PLXNC1: variants seen among roughly 807,000 people sequenced by gnomAD.
PLXNC1 encodes plexin-C1.
A neutral mutation model predicts 178.2 loss-of-function variants in PLXNC1; 75 were observed. The ratio of observed to expected loss-of-function variants is 0.42; its 90% CI spans 0.35 to 0.51. PLXNC1 has a LOEUF of 0.51. PLXNC1 is among the 20% of genes least tolerant of loss of function. The pLI is 0.02. For missense variants in PLXNC1, 1,503 were observed against 1,984.4 expected (o/e 0.76, Z 4.61); for synonymous variants, 790 against 779.9 (o/e 1.01, Z -0.22).
At chr12:94,255,020 C>T in intron 16 of PLXNC1, 132 bp downstream of exon 16, 1 of 911,092 alleles carries the variant, frequency 1.1e-6, no homozygotes, top group Middle Eastern at 3.2e-4. Flanking sequence ...AGGGCAGGGC[C>T]TGGGCCTGGC....
chr12:94,185,870 G>T (rs1962490126), intron 3 of PLXNC1: 2 of 157,244 alleles, frequency 1.3e-5, no homozygotes, highest in African/African-American at 4.8e-5. Flanking sequence ...TGAAAACCAG[G>T]CAACCTGATT....
At chr12:94,226,793 G>A in intron 8 of PLXNC1, 86 bp downstream of exon 8, 1 of 956,458 alleles carries the variant, frequency 1.0e-6, no homozygotes, top group Non-Finnish European at 1.7e-6. Flanking sequence ...GGAGGTCGAG[G>A]CGGGTGGATC....
intron 22 of PLXNC1, 66 bp downstream of exon 22, chr12:94,279,715 T>G (rs954597580): frequency 1.5e-6 from 2 of 1,361,676 alleles, no homozygotes; most frequent in African/African-American, 3.3e-5. Flanking sequence ...CTGCCCTCCC[T>G]CCCTGTCCCC....
At chr12:94,287,900 C>T (rs1966875066) in intron 23 of PLXNC1, among the ~76,000 whole-genome samples, 1 of 152,224 alleles carries the variant, frequency 6.6e-6, no homozygotes. Flanking sequence ...GTCTTCTTTA[C>T]CGCTCCATGA....
In PLXNC1 at chr12:94,149,879, T is replaced by C. The variant is rs1442700009; in HGVS notation, c.908T>C (p.Leu303Pro). ...CTCTCCTCCAGCCTAGTGGAGGCCCTGGACGTCTGGGCGGGAGTGTTCAGC... is the reference window on the plus strand; with the variant it reads ...CTCTCCTCCAGCCTAGTGGAGGCCCCGGACGTCTGGGCGGGAGTGTTCAGC... The part of the protein sequence containing the change: ...LLLSSSLVEA[L>P]DVWAGVFSAA... The change falls in exon 1 of 31, where the codon CTG becomes CCG. Residue 303 changes from leucine (L) to proline (P), a missense_variant. Leu to Pro is a moderately conservative substitution (Grantham distance 98). Around this residue, in one of 4 missense-constraint regions of PLXNC1, gnomAD observed 615 missense variants for 698.6 expected, o/e 0.88. Transcript: ENST00000258526. 1 of 1,587,640 alleles carries C rather than the reference T, an allele frequency of 6.3e-7. No individual in the cohort carries two copies. The highest frequency in any genetic ancestry group is 1.8e-5 in the Admixed American group (1 of 56,444).
At chr12:94,289,168 T>C (rs879525872) in intron 23 of PLXNC1, among the ~76,000 whole-genome samples, 79 of 152,206 alleles carry the variant, frequency 5.2e-4, no homozygotes, top group Non-Finnish European at 6.9e-4. Context: ...AATCTTACCT[T>C]CACTTGCAAG....
At chr12:94,231,051 T>C (rs1443088887) in intron 9 of PLXNC1, among the ~76,000 whole-genome samples, 1 of 152,166 alleles carries the variant, frequency 6.6e-6, no homozygotes, top group Admixed American at 6.5e-5. Flanking sequence ...AAAATATTAA[T>C]ATGAAGGTAC....
chr12:94,251,755 C>A (rs1964696007), intron 15 of PLXNC1, among the ~76,000 whole-genome samples: 1 of 152,234 alleles, frequency 6.6e-6, no homozygotes, highest in African/African-American at 2.4e-5. Context: ...CTTTGGGACA[C>A]TGAGGCGGGC....
chr12:94,193,344 G>A lies in PLXNC1; in HGVS notation c.1439+6871G>A, dbSNP rs552555578. On this transcript the variant is annotated intron_variant, in intron 4 of 30. Coordinates refer to ENST00000258526, the MANE Select transcript of PLXNC1 (RefSeq NM_005761.3). The stretch of plus-strand genomic sequence containing the variant: ...TGGCTGTAAACCAGTAAGAGACCAG[G>A]GACTGAATTAGAATGATAGTAGTGG... Among the ~76,000 whole-genome samples the A allele has an allele frequency of 4.3e-4, 66 of 152,220 alleles. No individual in the cohort carries two copies. In the South Asian group the frequency reaches 4.8e-3, roughly 11 times the overall value.
intron 4 of PLXNC1, among the ~76,000 whole-genome samples, chr12:94,192,991 C>T (rs1962780541): frequency 6.6e-6 from 1 of 152,050 alleles, no homozygotes; most frequent in Non-Finnish European, 1.5e-5. Context: ...TTATCTAACC[C>T]AAACTTAACA....
At chr12:94,250,301 G>A (rs74776710) in intron 14 of PLXNC1, among the ~76,000 whole-genome samples, 1 of 152,128 alleles carries the variant, frequency 6.6e-6, no homozygotes, top group Non-Finnish European at 1.5e-5. Context: ...TGAGGAGGGC[G>A]CCATGAGCTG....
chr12:94,270,441 T>C (rs1324507633), intron 21 of PLXNC1, among the ~76,000 whole-genome samples: 1 of 152,198 alleles, frequency 6.6e-6, no homozygotes, highest in Non-Finnish European at 1.5e-5. Context: ...CTTGACATAG[T>C]AGAGAATAGG....
chr12:94,226,150 C>T (rs554781366), intron 7 of PLXNC1, among the ~76,000 whole-genome samples: 7 of 152,340 alleles, frequency 4.6e-5, no homozygotes, highest in South Asian at 2.1e-4. Context: ...ACAGGCACCT[C>T]GTTGCCTCTG....
At chr12:94,234,062 T>C (rs1216126054) in intron 9 of PLXNC1, among the ~76,000 whole-genome samples, 1 of 152,186 alleles carries the variant, frequency 6.6e-6, no homozygotes, top group East Asian at 1.9e-4. Context: ...TGAACTAATT[T>C]CATGAGTGAA....
At chr12:94,183,928 A>C (rs1477748196) in intron 3 of PLXNC1, among the ~76,000 whole-genome samples, 2 of 152,226 alleles carry the variant, frequency 1.3e-5, no homozygotes, top group Non-Finnish European at 2.9e-5. Flanking sequence ...AAAGAGACAA[A>C]GTCCAAGGAA....
intron 9 of PLXNC1, among the ~76,000 whole-genome samples, chr12:94,235,576 A>G (rs977104645): frequency 1.3e-5 from 2 of 152,208 alleles, no homozygotes; most frequent in Non-Finnish European, 2.9e-5. Flanking sequence ...CTCCCCTAAG[A>G]AGACAGTGGA....
intron 4 of PLXNC1, among the ~76,000 whole-genome samples, chr12:94,207,226 GT>G (rs1021198423): frequency 1.3e-4 from 20 of 151,684 alleles, no homozygotes; most frequent in Non-Finnish European, 2.8e-4. Context: ...GTGGTGGGTT[GT>G]TTTTTTATAT....
intron 2 of PLXNC1, 57 bp from the exon 3 acceptor site, chr12:94,181,389 A>T: frequency 2.5e-6 from 3 of 1,180,162 alleles, no homozygotes; most frequent in Non-Finnish European, 3.6e-6. Context: ...TCCGTCTCAA[A>T]AAAAAAAAAA....
intron 11 of PLXNC1, among the ~76,000 whole-genome samples, chr12:94,241,841 T>A (rs543674654): frequency 1.3e-5 from 2 of 152,176 alleles, no homozygotes. Context: ...TAGTTGAATT[T>A]AAATTCACTT....
Sources: gnomAD v4.1 joint callset for allele counts (sites outside exome capture counted in the v4.1 genomes callset) on GRCh38, gnomAD v4.1.1 for gene constraint, gnomAD v4.1.1 regional missense constraint, MANE v1.5 for transcripts, NCBI Gene and HGNC (gene_info 2026-07-23, HGNC 2026-07-21) for gene names.